KIF17: variants seen among roughly 807,000 people sequenced by gnomAD.
The protein encoded by KIF17 is kinesin family member 17, also known as kinesin-like protein KIF17.
A neutral mutation model predicts 96.8 loss-of-function variants in KIF17; 80 were observed. That is an observed-to-expected ratio of 0.83 (90% confidence interval 0.69 to 1.00). The LOEUF (loss-of-function observed/expected upper bound fraction) is 1.00. KIF17 is among the 50% of genes least tolerant of loss of function. The pLI, the probability that KIF17 is intolerant of heterozygous loss-of-function variation, is 0.00. For synonymous variants in KIF17, 567 were observed against 587.5 expected, an observed-to-expected ratio of 0.97 and a Z score of 0.51; for missense variants, 1,280 against 1,372.9, an observed-to-expected ratio of 0.93 and a Z score of 1.07.
chr1:20,691,688 C>T (rs565307116), intron 6 of KIF17, among the ~76,000 whole-genome samples: 80 of 144,426 alleles, frequency 5.5e-4, no homozygotes, highest in Middle Eastern at 4.1e-3. Context: ...AGGCTGGTCT[C>T]GAACTCCTGA....
rs923574287 is a variant in KIF17, at chr1:20,709,161, C to T, written c.670+478G>A. ...ATCCTAACACTTTGGGAGGCCAAGG[C>T]GGGAGTATTGCTTGAGCTCAGGAGT... On this transcript the variant is annotated intron_variant, in intron 4 of 14. Transcript: ENST00000400463. This position sits in a 1 kb window ranked among gnomAD's most constrained non-coding sequence, Gnocchi z 4.7. Among the ~76,000 whole-genome samples the T allele has an allele frequency of 5.9e-5, 9 of 152,132 alleles. No homozygotes were observed. Among genetic ancestry groups the T allele is most frequent in the Non-Finnish European group, 1.0e-4 (7 of 68,024 alleles).
At position 20,711,823 on chromosome 1, in the gene KIF17, A is replaced by G. The variant is rs542974125; in HGVS notation, c.480+1631T>C. On this transcript the variant is annotated intron_variant, in intron 3 of 14. Coordinates refer to ENST00000400463, the MANE Select transcript of KIF17 (RefSeq NM_001122819.3). ...TGTGGAGCCCCCGGGTTCAAATCCC[A>G]TCGCCACTCTTTACTGACTGTGTGT... is the stretch of plus-strand genomic sequence containing the variant. Among the ~76,000 whole-genome samples the G allele has an allele frequency of 2.8e-4, 43 of 152,248 alleles. No homozygotes were observed. The Middle Eastern group carries it at 0.01, about 36-fold the overall frequency.
chr1:20,683,973 T>C (rs1284375485), intron 10 of KIF17, among the ~76,000 whole-genome samples: 1 of 152,222 alleles, frequency 6.6e-6, no homozygotes, highest in East Asian at 1.9e-4. Context: ...GTGCCAAGTG[T>C]TTACTGCGTG....
rs34969910 is a variant in KIF17, at chr1:20,700,654, T to G, written c.1124-2166A>C. The stretch of plus-strand genomic sequence containing the variant: ...GTTTTACTTCTTTTCTACATTGCTT[T>G]ATGTTCTATTATCTTGAGGGACTTG... On this transcript the variant is annotated intron_variant, in intron 5 of 14. Transcript: ENST00000400463. This position sits in a 1 kb window ranked among gnomAD's most constrained non-coding sequence, Gnocchi z 4.6. 0.067 allele frequency among the ~76,000 whole-genome samples: 10,261 copies of G among 152,294 alleles called. 564 individuals carry two copies. Among genetic ancestry groups the G allele is most frequent in the African/African-American group, 0.15 (6,263 of 41,530 alleles).
intron 5 of KIF17, among the ~76,000 whole-genome samples, chr1:20,703,181 G>GGATGAATA (rs759931188): frequency 3.3e-4 from 40 of 120,702 alleles, no homozygotes; most frequent in Non-Finnish European, 5.8e-4. Context: ...ATGGATGAAT[G>GGATGAATA]GATGGACGGA....
At chr1:20,703,932 A>G (rs1454992018) in intron 5 of KIF17, among the ~76,000 whole-genome samples, 2 of 51,028 alleles carry the variant, frequency 3.9e-5, no homozygotes, top group African/African-American at 1.1e-4. Flanking sequence ...CTCCGTCTCA[A>G]AAAAAAAAAA....
In KIF17 at chr1:20,712,725, T is replaced by G. The variant is rs1267937033; in HGVS notation, c.480+729A>C. On this transcript the variant is annotated intron_variant, in intron 3 of 14. Coordinates refer to ENST00000400463, the MANE Select transcript of KIF17 (RefSeq NM_001122819.3). Reference sequence around the variant, plus strand: ...ATATTATCTATATATAAAATTATATTATATCTATATATATTATATATATAA... The same window carrying G: ...ATATTATCTATATATAAAATTATATGATATCTATATATATTATATATATAA... 1.6e-3 allele frequency among the ~76,000 whole-genome samples: 24 copies of G among 14,582 alleles called. 5 individuals carry two copies. Among genetic ancestry groups the G allele is most frequent in the Non-Finnish European group, 3.2e-3 (17 of 5,310 alleles). The allele number at this position is 14,582 out of a possible 152,430, so 9.6% of individuals were successfully genotyped here.
chr1:20,667,276 T>C (rs2154534840), intron 13 of KIF17, among the ~76,000 whole-genome samples: 1 of 152,264 alleles, frequency 6.6e-6, no homozygotes, highest in Non-Finnish European at 1.5e-5. Context: ...CAAACCCTAT[T>C]GTGAACTGCA....
chr1:20,715,385 C>T (rs187605075), intron 2 of KIF17, 108 bp downstream of exon 2: 11 of 1,429,334 alleles, frequency 7.7e-6, no homozygotes, highest in Admixed American at 3.4e-5. Flanking sequence ...CTGATCTGCA[C>T]GGGTCAGGCC....
At chr1:20,671,878 C>G in intron 12 of KIF17, 60 bp downstream of exon 12, 1 of 1,587,082 alleles carries the variant, frequency 6.3e-7, no homozygotes, top group South Asian at 1.1e-5. Context: ...CCCTGCCAGT[C>G]TGCAGGATGG....
chr1:20,666,192 G>T, intron 14 of KIF17, 22 bp downstream of exon 14: 1 of 1,545,642 alleles, frequency 6.5e-7, no homozygotes, highest in Non-Finnish European at 8.9e-7. Context: ...GGAGAGGGTG[G>T]GGACAGGGGA....
In KIF17 at chr1:20,709,683, C is replaced by A; in HGVS notation, c.626G>T (p.Arg209Leu). ...GCTGATGGTGAAGATGGAGTGCGAG[C>A]GTGAGGAATCCTTGTTCATCAGCGT... ...GYTLMNKDSSRSHSIFTISIE... is the reference protein window; with the variant it reads ...GYTLMNKDSSLSHSIFTISIE... The change falls in exon 4 of 15, where the codon CGC (arginine) becomes CTC (leucine). Residue 209 changes from arginine (R) to leucine (L), a missense_variant. By Grantham distance (102) the Arg-to-Leu change is moderately radical (BLOSUM62 -2). Coordinates refer to ENST00000400463, the MANE Select transcript of KIF17 (RefSeq NM_001122819.3). The surrounding 1 kb of genome is among the most constrained non-coding windows in gnomAD (Gnocchi z 4.7). The A allele has an allele frequency of 6.2e-7, 1 of 1,614,086 alleles. No homozygotes were observed. The highest frequency in any genetic ancestry group is 1.3e-5 in the African/African-American group (1 of 75,048).
At chr1:20,677,153 G>A (rs2053752735) in intron 11 of KIF17, among the ~76,000 whole-genome samples, 1 of 152,232 alleles carries the variant, frequency 6.6e-6, no homozygotes, top group Non-Finnish European at 1.5e-5. Context: ...TGAAGTTGCA[G>A]TGAGCTGTGA....
At chr1:20,665,896 T>C (rs1313576417) in intron 14 of KIF17, among the ~76,000 whole-genome samples, 1 of 151,542 alleles carries the variant, frequency 6.6e-6, no homozygotes, top group African/African-American at 2.4e-5. Flanking sequence ...GGCGCGTAAC[T>C]AGTGAGGCCT....
intron 7 of KIF17, among the ~76,000 whole-genome samples, chr1:20,689,645 C>T (rs967550431): frequency 7.0e-6 from 1 of 143,846 alleles, no homozygotes; most frequent in Non-Finnish European, 1.5e-5. Context: ...AGCAAGACTC[C>T]ATCTCAAAAC....
chr1:20,700,172 G>A lies in KIF17; in HGVS notation c.1124-1684C>T, dbSNP rs2054208756. On this transcript the variant is annotated intron_variant, in intron 5 of 14. Coordinates refer to ENST00000400463, the MANE Select transcript of KIF17 (RefSeq NM_001122819.3). This position sits in a 1 kb window ranked among gnomAD's most constrained non-coding sequence, Gnocchi z 4.6. ...TGCAACCTCCCTCTCCCAGGTTCAAGTGATTCTCCTGCCTCAGCCTCCCGA... is the reference window on the plus strand; with the variant it reads ...TGCAACCTCCCTCTCCCAGGTTCAAATGATTCTCCTGCCTCAGCCTCCCGA... Among the ~76,000 whole-genome samples, 1 of 152,116 alleles carries A rather than the reference G, an allele frequency of 6.6e-6. No individual in the cohort carries two copies. The highest frequency in any genetic ancestry group is 1.9e-4 in the East Asian group (1 of 5,192).
intron 11 of KIF17, among the ~76,000 whole-genome samples, chr1:20,674,685 C>T (rs2053706120): frequency 6.6e-6 from 1 of 151,210 alleles, no homozygotes; most frequent in Admixed American, 6.6e-5. Context: ...AAGAGTTTTA[C>T]AGTTTTGGCT....
At chr1:20,678,824 A>ATT (rs2053781084) in intron 11 of KIF17, among the ~76,000 whole-genome samples, 2 of 152,004 alleles carry the variant, frequency 1.3e-5, no homozygotes, top group Non-Finnish European at 2.9e-5. Flanking sequence ...GGACCAGAGG[A>ATT]GTTAGTCTCC....
Position 20,687,798 on chromosome 1 carries a change from C to T in KIF17, c.1528G>A (p.Asp510Asn). 1 of 1,614,162 alleles carries T rather than the reference C, an allele frequency of 6.2e-7. No individual in the cohort carries two copies. The highest frequency in any genetic ancestry group is 8.5e-7 in the Non-Finnish European group (1 of 1,180,026). ...GAAACCTGAGTCTTGGAGACATCGT[C>T]ACTGGGCAGAGTGTCAGTCGTGGAG... ...VFSTTDTLPS[D>N]DVSKTQVSSR... is the part of the protein sequence containing the mutation. The change falls in exon 8 of 15, where the codon GAC becomes AAC. Residue 510 changes from aspartate to asparagine, a missense_variant. By Grantham distance (23) the Asp-to-Asn change is conservative. Coordinates refer to ENST00000400463, the MANE Select transcript of KIF17 (RefSeq NM_001122819.3). This position sits in a 1 kb window ranked among gnomAD's most constrained non-coding sequence, Gnocchi z 4.4.
Sources: allele counts gnomAD v4.1 joint callset (sites outside exome capture counted in the v4.1 genomes callset), GRCh38; gene constraint gnomAD v4.1.1; non-coding constraint Gnocchi (gnomAD v3.1); transcripts MANE v1.5; gene names NCBI Gene and HGNC (gene_info 2026-07-23, HGNC 2026-07-21).